RYR1: variants seen among roughly 807,000 people sequenced by gnomAD.
RYR1 encodes the protein central core disease of muscle.
In RYR1, 342 loss-of-function variants were observed where a neutral mutation model predicts 583.5. The ratio of observed to expected loss-of-function variants is 0.59; its 90% CI spans 0.54 to 0.64. The LOEUF (loss-of-function observed/expected upper bound fraction) is 0.64. RYR1 is among the 30% of genes least tolerant of loss of function. The probability of loss-of-function intolerance (pLI) is 0.00; values close to 1 mark genes in which losing one functional copy is unlikely to be tolerated. For synonymous variants in RYR1, 2,791 were observed against 2,822.5 expected, an observed-to-expected ratio of 0.99 and a Z score of 0.35; for missense variants, 6,032 against 6,917.2, an observed-to-expected ratio of 0.87 and a Z score of 4.54.
In RYR1 at chr19:38,458,915, G is replaced by A. The variant is rs572030717; in HGVS notation, c.2168-231G>A. On this transcript the variant is annotated intron_variant, in intron 18 of 105. Coordinates refer to ENST00000359596, the MANE Select transcript of RYR1 (RefSeq NM_000540.3). ...ATTACAGGTGTGAGCCACTGCATCC[G>A]GCCCCCAGGAGGATTTAATCTCTGG... Among the ~76,000 whole-genome samples, 51 of 152,260 alleles carry A rather than the reference G, an allele frequency of 3.3e-4. No homozygotes were observed. The South Asian group carries it at 9.3e-3, about 28-fold the overall frequency.
intron 17 of RYR1, 138 bp downstream of exon 17, chr19:38,457,768 T>A: frequency 1.1e-6 from 1 of 923,870 alleles, no homozygotes; most frequent in Admixed American, 2.0e-5. Flanking sequence ...AGATGTCCAC[T>A]GTGGCCCCAC....
In RYR1 at chr19:38,485,943, C is replaced by T. The variant is rs1335007839; in HGVS notation, c.5288C>T (p.Pro1763Leu). ...TENGHPRHGL[P>L]GVGVTTSLRP... ...AATGGTCACCCCCGGCATGGCCTGC[C>T]GGGAGTTGGAGTCACCACTTCGCTG... The change falls in exon 34 of 106, where the codon CCG becomes CTG. Residue 1763 changes from proline to leucine, a missense_variant. Physicochemically the swap from Pro to Leu is moderately conservative, Grantham distance 98. Coordinates refer to ENST00000359596, the MANE Select transcript of RYR1 (RefSeq NM_000540.3). The T allele has an allele frequency of 1.9e-6, 3 of 1,613,718 alleles. No individual in the cohort carries two copies. The highest frequency in any genetic ancestry group is 1.3e-5 in the African/African-American group (1 of 75,060).
chr19:38,494,280 G>A (rs1156627415), intron 38 of RYR1, 72 bp from the exon 39 acceptor site: 2 of 1,595,074 alleles, frequency 1.3e-6, no homozygotes, highest in Non-Finnish European at 1.7e-6. Context: ...CTTCCACATT[G>A]TTCTGGTCCA....
At chr19:38,553,307 C>G (rs144643290) in intron 89 of RYR1, among the ~76,000 whole-genome samples, 4,705 of 149,294 alleles carry the variant, frequency 0.032, 112 homozygotes, top group Non-Finnish European at 0.048. Flanking sequence ...TGCACTCCAG[C>G]CTGGGTGACA....
intron 13 of RYR1, 35 bp downstream of exon 13, chr19:38,453,049 G>C (rs1255604896): frequency 6.2e-7 from 1 of 1,607,608 alleles, no homozygotes. Flanking sequence ...GGGGCCTGTG[G>C]GCCCAGGGGG....
intron 27 of RYR1, among the ~76,000 whole-genome samples, chr19:38,472,965 G>A (rs1056931803): frequency 2.7e-5 from 4 of 146,992 alleles, no homozygotes. Context: ...GCGGTGAGCC[G>A]AGATCCTGCT....
chr19:38,466,059 C>T (rs1968081990), intron 23 of RYR1, 32 bp from the exon 24 acceptor site: 1 of 1,584,334 alleles, frequency 6.3e-7, no homozygotes, highest in African/African-American at 1.3e-5. Context: ...GAGGTGAGGG[C>T]CTTGTCCCAT....
chr19:38,554,991 C>T (rs570545093), intron 89 of RYR1, among the ~76,000 whole-genome samples: 72 of 152,166 alleles, frequency 4.7e-4, no homozygotes, highest in Non-Finnish European at 8.8e-4. Context: ...TGAAGCCATC[C>T]CTGCAATCTA....
At position 38,448,277 on chromosome 19, in the gene RYR1, GAAAAA is replaced by G. The variant is rs946838979; in HGVS notation, c.801-77_801-73del. 1.4e-4 allele frequency: 206 copies of G among 1,495,248 alleles called. No homozygotes were observed. In the African/African-American group the frequency reaches 2.8e-3, roughly 20 times the overall value. 92.6% of individuals were successfully genotyped at this position (1,495,248 alleles called of 1,614,324 possible). ...CAAGACCTGGTTTCTGTAAAAAAAA[GAAAAA>G]GAAGAAAAGACTGTAATGTCCATGG... is the stretch of plus-strand genomic sequence containing the variant. On this transcript the variant is annotated intron_variant, in intron 9 of 105. Coordinates refer to ENST00000359596, the MANE Select transcript of RYR1 (RefSeq NM_000540.3).
chr19:38,556,886 ATTC>A, intron 89 of RYR1, among the ~76,000 whole-genome samples: 1 of 151,924 alleles, frequency 6.6e-6, no homozygotes, highest in South Asian at 2.1e-4. Flanking sequence ...GTTCGAGCAG[ATTC>A]AGATTTGGGT....
rs777903287 is a variant in RYR1, at chr19:38,504,755, A to T, written c.8075A>T (p.Asp2692Val). The change falls in exon 51 of 106, where the codon GAC (aspartate) becomes GTC (valine). Residue 2692 changes from aspartate (D) to valine (V), a missense_variant. This residue lies in a region of RYR1 where 1,493 missense variants were observed against 1,715.5 expected (regional missense o/e 0.87). Transcript: ENST00000359596. ...TTCACCCGGTTTTCCCAGAAATACG[A>T]CCCGGAGCTGTACCGCATGGCCATG... ...IFDSLAHKKYDPELYRMAMPC... is the reference protein window; with the variant it reads ...IFDSLAHKKYVPELYRMAMPC... The T allele has an allele frequency of 6.2e-7, 1 of 1,613,982 alleles. No individual in the cohort carries two copies. Among genetic ancestry groups the T allele is most frequent in the Admixed American group, 1.7e-5 (1 of 59,998 alleles).
chr19:38,495,098 C>T (rs1225185544), intron 39 of RYR1, among the ~76,000 whole-genome samples: 10 of 151,910 alleles, frequency 6.6e-5, no homozygotes, highest in African/African-American at 2.4e-4. Flanking sequence ...GTGATCCACC[C>T]GCCTCGGCCT....
In RYR1 at chr19:38,433,881, A is replaced by AGT; in HGVS notation, c.45+7_45+8insGT. ...GGTCCAGTTCCTGCGGACGGTGCGTATCTCTGGGTTAGGGGCCTGTGGGGC... is the reference window on the plus strand; with the variant it reads ...GGTCCAGTTCCTGCGGACGGTGCGTAGTTCTCTGGGTTAGGGGCCTGTGGGGC... On this transcript the variant is annotated splice_region_variant and intron_variant, in intron 1 of 105. Coordinates refer to ENST00000359596, the MANE Select transcript of RYR1 (RefSeq NM_000540.3). The AGT allele has an allele frequency of 6.2e-7, 1 of 1,612,862 alleles. No individual in the cohort carries two copies.
rs1036726331 is a variant in RYR1 at position 38,565,359 on chromosome 19, G to GCGCTGGGGC, written c.13032_13040dup (p.Ala4346_Ala4348dup). The GCGCTGGGGC allele has an allele frequency of 1.1e-5, 14 of 1,306,512 alleles. No individual in the cohort carries two copies. Among genetic ancestry groups the GCGCTGGGGC allele is most frequent in the African/African-American group, 1.6e-5 (1 of 63,740 alleles). The allele number at this position is 1,306,512 out of a possible 1,614,324, so 80.9% of individuals were successfully genotyped here. ...GCGCTGCTCTGGGCAGCAGTGACGC[G>GCGCTGGGGC]CGCTGGGGCCGCTGGCGCGGGGGCG... On this transcript the variant is annotated inframe_insertion, in exon 91 of 106. Coordinates refer to ENST00000359596, the MANE Select transcript of RYR1 (RefSeq NM_000540.3). This position sits in a 1 kb window ranked among gnomAD's most constrained non-coding sequence, Gnocchi z 4.7.
At chr19:38,477,998 T>TG (rs1968823491) in intron 30 of RYR1, 128 bp downstream of exon 30, 1 of 891,866 alleles carries the variant, frequency 1.1e-6, no homozygotes, top group Non-Finnish European at 1.8e-6. Context: ...GAGGATTCTC[T>TG]GGGGCACTGG....
chr19:38,463,394 G>C, intron 20 of RYR1, 29 bp from the exon 21 acceptor site: 1 of 1,590,668 alleles, frequency 6.3e-7, no homozygotes. Flanking sequence ...AGGGACCTTG[G>C]GGTCTCAAGA....
Position 38,586,081 on chromosome 19 carries a change from C to T in RYR1, c.14869-10C>T, listed in dbSNP as rs763199559. 3 of 1,613,992 alleles carry T rather than the reference C, an allele frequency of 1.9e-6. No individual in the cohort carries two copies. Among genetic ancestry groups the T allele is most frequent in the African/African-American group, 1.3e-5 (1 of 75,044 alleles). On this transcript the variant is annotated splice_polypyrimidine_tract_variant and intron_variant, in intron 103 of 105. Transcript: ENST00000359596. ...TGGGCCTCCACTCTGATGTCTCTTG[C>T]CACTCACAGACCAAGTGCTTCATCT... is the stretch of plus-strand genomic sequence containing the variant.
chr19:38,445,222 CAAA>C (rs61419525), intron 7 of RYR1, among the ~76,000 whole-genome samples: 628 of 48,156 alleles, frequency 0.013, 8 homozygotes, highest in East Asian at 0.08. Flanking sequence ...GACTCTGCCT[CAAA>C]AAAAAAAAAA....
At chr19:38,478,146 A>C (rs1968832073) in intron 30 of RYR1, among the ~76,000 whole-genome samples, 1 of 147,334 alleles carries the variant, frequency 6.8e-6, no homozygotes, top group Non-Finnish European at 1.5e-5. Flanking sequence ...GTTTCATCTC[A>C]CCCTTCTCCT....
Sources: allele counts gnomAD v4.1 joint callset (sites outside exome capture counted in the v4.1 genomes callset), GRCh38; gene constraint gnomAD v4.1.1; regional missense constraint gnomAD v4.1.1; non-coding constraint Gnocchi (gnomAD v3.1); transcripts MANE v1.5; gene names NCBI Gene and HGNC (gene_info 2026-07-23, HGNC 2026-07-21).